The following THSD7A variants were observed in gnomAD, a reference collection of about 807,000 sequenced individuals.
The protein encoded by THSD7A is thrombospondin type-1 domain-containing protein 7A.
A neutral mutation model predicts 231.3 loss-of-function variants in THSD7A; 96 were observed. That is an observed-to-expected ratio of 0.41 (90% CI 0.35 to 0.49). The LOEUF (loss-of-function observed/expected upper bound fraction) is 0.49, where lower values mean the gene tolerates loss of function less well. THSD7A is among the 20% of genes least tolerant of loss of function. THSD7A has a pLI of 0.05. For missense variants in THSD7A, 2,290 were observed against 2,070.2 expected, an observed-to-expected ratio of 1.11 and a Z score of -2.06; for synonymous variants, 940 against 743.3, an observed-to-expected ratio of 1.26 and a Z score of -4.30.
At chr7:11,617,684 G>C (rs1014804237) in intron 2 of THSD7A, among the ~76,000 whole-genome samples, 1 of 152,048 alleles carries the variant, frequency 6.6e-6, no homozygotes, top group African/African-American at 2.4e-5. Flanking sequence ...CCTTTTATTA[G>C]ATGTTAATAT....
chr7:11,430,615 A>AC (rs1784451217), intron 13 of THSD7A, among the ~76,000 whole-genome samples: 1 of 151,868 alleles, frequency 6.6e-6, no homozygotes, highest in Non-Finnish European at 1.5e-5. Flanking sequence ...AAGGGTGCCC[A>AC]CCACCATGCC....
intron 1 of THSD7A, among the ~76,000 whole-genome samples, chr7:11,778,114 G>A (rs537021891): frequency 8.0e-4 from 96 of 119,622 alleles, no homozygotes; most frequent in Non-Finnish European, 1.2e-3. Context: ...CCGAGATCCC[G>A]CCACTGCACT....
At chr7:11,443,792 C>A (rs1217132661) in intron 13 of THSD7A, among the ~76,000 whole-genome samples, 2 of 151,936 alleles carry the variant, frequency 1.3e-5, no homozygotes, top group Non-Finnish European at 2.9e-5. Flanking sequence ...CATACATACT[C>A]CTGTAATGAT....
intron 1 of THSD7A, among the ~76,000 whole-genome samples, chr7:11,748,884 A>T (rs1782404004): frequency 6.6e-6 from 1 of 152,014 alleles, no homozygotes; most frequent in Non-Finnish European, 1.5e-5. Context: ...ATACTTTGTT[A>T]ATGTGATATA....
chr7:11,700,365 A>G (rs1404842784), intron 1 of THSD7A, among the ~76,000 whole-genome samples: 1 of 151,308 alleles, frequency 6.6e-6, no homozygotes, highest in Admixed American at 6.6e-5. Flanking sequence ...TTGAAAGGTT[A>G]TAACTTTTGA....
At chr7:11,619,646 T>C (rs929875644) in intron 2 of THSD7A, among the ~76,000 whole-genome samples, 1 of 152,050 alleles carries the variant, frequency 6.6e-6, no homozygotes, top group African/African-American at 2.4e-5. Context: ...CGTCTTCAAC[T>C]CTTGGTGTCA....
chr7:11,730,780 T>C (rs1045851664), intron 1 of THSD7A, among the ~76,000 whole-genome samples: 1 of 151,590 alleles, frequency 6.6e-6, no homozygotes, highest in Non-Finnish European at 1.5e-5. Flanking sequence ...GAATATCCCC[T>C]TTATATTTTC....
chr7:11,530,914 G>A (rs1275066909), intron 6 of THSD7A, among the ~76,000 whole-genome samples: 1 of 152,110 alleles, frequency 6.6e-6, no homozygotes, highest in Non-Finnish European at 1.5e-5. Flanking sequence ...GGGAGGCTGA[G>A]GCAGGAGAAT....
chr7:11,613,678 G>A (rs1433069223), intron 2 of THSD7A, among the ~76,000 whole-genome samples: 3 of 152,192 alleles, frequency 2.0e-5, no homozygotes, highest in Non-Finnish European at 4.4e-5. Flanking sequence ...CACTTCAAGT[G>A]TTTTTCCCAT....
At chr7:11,534,005 A>T (rs1264120925) in intron 6 of THSD7A, among the ~76,000 whole-genome samples, 3 of 152,148 alleles carry the variant, frequency 2.0e-5, no homozygotes, top group Non-Finnish European at 4.4e-5. Flanking sequence ...GTATATTTGA[A>T]GGGAATTAGT....
intron 7 of THSD7A, among the ~76,000 whole-genome samples, chr7:11,475,553 GTATATATATAACATATA>G (rs1317762563): frequency 6.7e-6 from 1 of 148,670 alleles, no homozygotes; most frequent in Non-Finnish European, 1.5e-5. Context: ...AGGGTTATAA[GTATATATATAACATATA>G]TGTATATATA....
intron 1 of THSD7A, among the ~76,000 whole-genome samples, chr7:11,821,993 C>G (rs1310821712): frequency 6.6e-6 from 1 of 152,112 alleles, no homozygotes; most frequent in Non-Finnish European, 1.5e-5. Context: ...AGATAGGTTA[C>G]TTTTTGGTAT....
intron 2 of THSD7A, among the ~76,000 whole-genome samples, chr7:11,613,387 C>T (rs1412701728): frequency 1.3e-5 from 2 of 152,144 alleles, no homozygotes; most frequent in African/African-American, 4.8e-5. Flanking sequence ...AGTTTCAGCT[C>T]ATTTAGGGTT....
chr7:11,503,928 G>A, intron 6 of THSD7A, among the ~76,000 whole-genome samples: 1 of 152,080 alleles, frequency 6.6e-6, no homozygotes. Context: ...AAAAGCAGAA[G>A]TACCATTTGG....
intron 1 of THSD7A, among the ~76,000 whole-genome samples, chr7:11,667,791 G>C (rs993110040): frequency 6.6e-6 from 1 of 152,004 alleles, no homozygotes; most frequent in Non-Finnish European, 1.5e-5. Context: ...TTTTAACAAA[G>C]CTGTATAAAG....
chr7:11,594,061 C>T (rs1353314569), intron 2 of THSD7A, among the ~76,000 whole-genome samples: 1 of 152,142 alleles, frequency 6.6e-6, no homozygotes, highest in Non-Finnish European at 1.5e-5. Context: ...AATCAGCTGC[C>T]AATGCGGCTA....
At chr7:11,824,120 T>C (rs1784956254) in intron 1 of THSD7A, among the ~76,000 whole-genome samples, 1 of 152,086 alleles carries the variant, frequency 6.6e-6, no homozygotes, top group African/African-American at 2.4e-5. Flanking sequence ...ATATCTACCT[T>C]ATGACTCACT....
intron 3 of THSD7A, among the ~76,000 whole-genome samples, chr7:11,592,243 A>G (rs1780195132): frequency 1.3e-5 from 2 of 152,164 alleles, no homozygotes. Flanking sequence ...AGAATTATAT[A>G]TCTGGTATAA....
intron 1 of THSD7A, chr7:11,820,929 A>G: frequency 1.0e-6 from 1 of 962,590 alleles, no homozygotes; most frequent in Non-Finnish European, 1.6e-6. Context: ...ACCTCGCTGA[A>G]GATCTCTCTC....
Sources: allele counts gnomAD v4.1 joint callset (sites outside exome capture counted in the v4.1 genomes callset), GRCh38; gene constraint gnomAD v4.1.1; transcripts MANE v1.5; gene names NCBI Gene and HGNC (gene_info 2026-07-23, HGNC 2026-07-21).